The following ABCA13 variants were observed in gnomAD, a reference collection of about 807,000 sequenced individuals.
ABCA13 encodes ATP-binding cassette sub-family A member 13.
Under a neutral mutation model 478.7 loss-of-function variants are expected in ABCA13, and 476 were observed. The ratio of observed to expected loss-of-function variants is 0.99; its 90% CI spans 0.92 to 1.07. ABCA13 has a LOEUF of 1.07. Among genes scored for constraint, ABCA13 ranks in the 50% least tolerant of loss-of-function variants. The pLI, the probability that ABCA13 is intolerant of heterozygous loss-of-function variation, is 0.00. For synonymous variants in ABCA13, 2,252 were observed against 2,158.9 expected (o/e 1.04, Z -1.20); for missense variants, 6,060 against 5,910.6 (o/e 1.03, Z -0.83).
Position 48,385,190 on chromosome 7 carries a change from T to C in ABCA13, c.11336-2632T>C, listed in dbSNP as rs550391984. ...GGGGTACATGTGCAGGTTTGTTACA[T>C]AGGTAAATGTGTGTCATGGAGGTTT... On this transcript the variant is annotated intron_variant, in intron 35 of 61. Coordinates refer to ENST00000435803, the MANE Select transcript of ABCA13 (RefSeq NM_152701.5). Among the ~76,000 whole-genome samples, 43 of 152,330 alleles carry C rather than the reference T, an allele frequency of 2.8e-4. 1 individual carries two copies. Among genetic ancestry groups the C allele is most frequent in the African/African-American group, 1.0e-3 (42 of 41,572 alleles).
intron 1 of ABCA13, among the ~76,000 whole-genome samples, chr7:48,172,622 C>T (rs1271111024): frequency 7.3e-5 from 11 of 151,198 alleles, no homozygotes; most frequent in Admixed American, 1.3e-4. Flanking sequence ...AGTGAAACCC[C>T]GTCTCTACTA....
At chr7:48,261,662 T>C (rs1046996499) in intron 15 of ABCA13, among the ~76,000 whole-genome samples, 1 of 151,304 alleles carries the variant, frequency 6.6e-6, no homozygotes, top group Non-Finnish European at 1.5e-5. Context: ...CTAAATATGT[T>C]CATTAAAATA....
At chr7:48,203,234 G>A (rs1044845031) in intron 3 of ABCA13, among the ~76,000 whole-genome samples, 1 of 144,436 alleles carries the variant, frequency 6.9e-6, no homozygotes, top group African/African-American at 2.5e-5. Context: ...AAGCCCACGC[G>A]CACCGGAACT....
intron 15 of ABCA13, among the ~76,000 whole-genome samples, chr7:48,255,057 C>T (rs1793173591): frequency 6.6e-6 from 1 of 152,102 alleles, no homozygotes; most frequent in South Asian, 2.1e-4. Context: ...AAATATTGTT[C>T]TCACTTTTCT....
Position 48,273,894 on chromosome 7 carries a change from T to C in ABCA13, c.4228T>C (p.Ser1410Pro). 3 of 1,612,964 alleles carry C rather than the reference T, an allele frequency of 1.9e-6. No homozygotes were observed. Among genetic ancestry groups the C allele is most frequent in the Non-Finnish European group, 2.5e-6 (3 of 1,179,334 alleles). ...AAACCATTTGTATTTGTTGTCTAAC[T>C]CCAGTTTTTCACAAGGTCATCTTCA... Reference protein sequence around the residue: ...VINHLYLLSNSSFSQGHLQNI... With the variant: ...VINHLYLLSNPSFSQGHLQNI... The change falls in exon 17 of 62, where the codon TCC becomes CCC. Residue 1410 changes from serine (S) to proline (P), a missense_variant. Ser to Pro is a moderately conservative substitution (Grantham distance 74). This residue lies in a region of ABCA13 where 4,423 missense variants were observed against 4,309.1 expected (regional missense o/e 1.03). Coordinates refer to ENST00000435803, the MANE Select transcript of ABCA13 (RefSeq NM_152701.5).
intron 28 of ABCA13, among the ~76,000 whole-genome samples, chr7:48,336,201 T>G (rs553285326): frequency 6.6e-6 from 1 of 152,272 alleles, no homozygotes; most frequent in Non-Finnish European, 1.5e-5. Context: ...CTCTGTACCT[T>G]GAGTTTCTTC....
chr7:48,502,867 T>A (rs1458139807), intron 48 of ABCA13, among the ~76,000 whole-genome samples: 1 of 152,206 alleles, frequency 6.6e-6, no homozygotes, highest in Non-Finnish European at 1.5e-5. Flanking sequence ...CTACCAACTC[T>A]TTCTCTCTGC....
At chr7:48,392,918 A>G (rs1816280506) in intron 38 of ABCA13, among the ~76,000 whole-genome samples, 1 of 152,228 alleles carries the variant, frequency 6.6e-6, no homozygotes, top group African/African-American at 2.4e-5. Flanking sequence ...TTGGTAGGAC[A>G]TTGGTTGGTC....
At chr7:48,451,589 T>C (rs2129184488) in intron 42 of ABCA13, among the ~76,000 whole-genome samples, 1 of 152,342 alleles carries the variant, frequency 6.6e-6, no homozygotes, top group South Asian at 2.1e-4. Flanking sequence ...TGTAAATCTT[T>C]TATTAACTGT....
At chr7:48,187,566 C>T (rs945790381) in intron 1 of ABCA13, among the ~76,000 whole-genome samples, 10 of 151,708 alleles carry the variant, frequency 6.6e-5, no homozygotes, top group African/African-American at 1.5e-4. Flanking sequence ...TTAGCTTTTG[C>T]GTCTTAATAT....
intron 27 of ABCA13, among the ~76,000 whole-genome samples, chr7:48,329,143 T>C (rs1404781384): frequency 6.6e-6 from 1 of 152,168 alleles, no homozygotes; most frequent in African/African-American, 2.4e-5. Flanking sequence ...AGAACGTGGA[T>C]AGTATGAGTG....
At chr7:48,545,704 T>A (rs994825921) in intron 55 of ABCA13, among the ~76,000 whole-genome samples, 1 of 149,766 alleles carries the variant, frequency 6.7e-6, no homozygotes, top group Non-Finnish European at 1.5e-5. Flanking sequence ...AGAACTACAA[T>A]CACAAAGAAA....
chr7:48,268,128 CG>C (rs1157836324), intron 15 of ABCA13, among the ~76,000 whole-genome samples: 1 of 151,930 alleles, frequency 6.6e-6, no homozygotes, highest in African/African-American at 2.4e-5. Flanking sequence ...GCACCAGAAA[CG>C]GTTATCTTTA....
chr7:48,593,949 G>C (rs900650174), intron 57 of ABCA13, among the ~76,000 whole-genome samples: 9 of 151,866 alleles, frequency 5.9e-5, no homozygotes, highest in Non-Finnish European at 1.0e-4. Context: ...TATGTCATGA[G>C]CCTTTTTTTT....
intron 42 of ABCA13, among the ~76,000 whole-genome samples, chr7:48,447,451 G>A (rs1192047936): frequency 6.6e-6 from 1 of 152,100 alleles, no homozygotes; most frequent in Non-Finnish European, 1.5e-5. Flanking sequence ...TTGAACCATG[G>A]TACAAAATCA....
chr7:48,344,355 T>C (rs1440991335), intron 29 of ABCA13, among the ~76,000 whole-genome samples: 2 of 152,200 alleles, frequency 1.3e-5, no homozygotes, highest in African/African-American at 2.4e-5. Flanking sequence ...AGCAATAAGA[T>C]GGAGTCACTT....
chr7:48,422,916 C>T (rs1585256398), intron 41 of ABCA13, among the ~76,000 whole-genome samples: 1 of 152,134 alleles, frequency 6.6e-6, no homozygotes. Flanking sequence ...GGCCATTGGC[C>T]AAACAATATT....
At chr7:48,618,718 G>T (rs183405221) in intron 59 of ABCA13, among the ~76,000 whole-genome samples, 6 of 152,290 alleles carry the variant, frequency 3.9e-5, no homozygotes, top group Admixed American at 3.9e-4. Context: ...CATAGGGGTT[G>T]TCCCTAGTTG....
In ABCA13 at chr7:48,410,540, A is replaced by T. The variant is rs78333373; in HGVS notation, c.12091A>T (p.Thr4031Ser). Residue 4031 changes from threonine (T) to serine (S), a missense_variant, in exon 40 of 62, where the codon ACC (threonine) becomes TCC (serine). By Grantham distance (58) the Thr-to-Ser change is moderately conservative. Transcript: ENST00000435803. The stretch of plus-strand genomic sequence containing the variant: ...CCCAGGTCGTACGATCATCTTCACA[A>T]CCCACCACCTGGATGAAGCTGAAGC... Reference protein sequence around the residue: ...YREGRTIIFTTHHLDEAEALS... With the variant: ...YREGRTIIFTSHHLDEAEALS... The T allele has an allele frequency of 6.2e-6, 10 of 1,613,856 alleles. No individual in the cohort carries two copies. The highest frequency in any genetic ancestry group is 7.6e-6 in the Non-Finnish European group (9 of 1,179,906).
Sources: allele counts gnomAD v4.1 joint callset (sites outside exome capture counted in the v4.1 genomes callset), GRCh38; gene constraint gnomAD v4.1.1; regional missense constraint gnomAD v4.1.1; transcripts MANE v1.5; gene names NCBI Gene and HGNC (gene_info 2026-07-23, HGNC 2026-07-21).